TMSB15B: variants seen among roughly 807,000 people sequenced by gnomAD.
The protein encoded by TMSB15B is thymosin beta-15B.
chrX:103,930,414 T>C (rs1413916072), intron 1 of TMSB15B, among the ~76,000 whole-genome samples: 1 of 111,399 alleles, frequency 9.0e-6, no homozygotes, highest in Non-Finnish European at 1.9e-5. Context: ...CTGATTCTGT[T>C]ATGTCACTAA....
intron 1 of TMSB15B, among the ~76,000 whole-genome samples, chrX:103,939,938 C>G (rs2075008284): frequency 8.9e-6 from 1 of 111,785 alleles, no homozygotes; most frequent in Admixed American, 9.4e-5. Flanking sequence ...CTGCAGTTTG[C>G]TGGGGGTCCA....
intron 1 of TMSB15B, among the ~76,000 whole-genome samples, chrX:103,922,451 G>C (rs1207734114): frequency 9.7e-6 from 1 of 103,343 alleles, no homozygotes; most frequent in Non-Finnish European, 1.9e-5. Flanking sequence ...GTGAGAACAT[G>C]CAGTGTTTTG....
At chrX:103,922,795 A>G (rs1260692375) in intron 1 of TMSB15B, among the ~76,000 whole-genome samples, 3 of 111,942 alleles carry the variant, frequency 2.7e-5, no homozygotes, top group African/African-American at 9.8e-5. Flanking sequence ...GTCTTCCACA[A>G]TGGTTGAACT....
intron 1 of TMSB15B, among the ~76,000 whole-genome samples, chrX:103,926,748 G>A (rs1354736475): frequency 2.7e-5 from 3 of 110,449 alleles, no homozygotes; most frequent in African/African-American, 9.9e-5. Flanking sequence ...CTTAATTAGA[G>A]TCCCAACCTT....
At chrX:103,954,895 C>T (rs1287736774) in intron 1 of TMSB15B, among the ~76,000 whole-genome samples, 1 of 111,876 alleles carries the variant, frequency 8.9e-6, no homozygotes, top group East Asian at 2.8e-4. Context: ...GGCACCTCTG[C>T]ATCCACTAGC....
intron 1 of TMSB15B, among the ~76,000 whole-genome samples, chrX:103,947,974 G>C (rs2075029661): frequency 9.0e-6 from 1 of 111,364 alleles, no homozygotes; most frequent in Non-Finnish European, 1.9e-5. Flanking sequence ...TCACCCATAA[G>C]TGAGAGTTGA....
intron 1 of TMSB15B, among the ~76,000 whole-genome samples, chrX:103,923,320 G>GT (rs782355449): frequency 3.5e-3 from 390 of 112,042 alleles, no homozygotes; most frequent in Non-Finnish European, 6.0e-3. Flanking sequence ...TTCTTCTAGG[G>GT]TTTTTATGGT....
chrX:103,921,330 CT>C (rs1160562115), intron 1 of TMSB15B, among the ~76,000 whole-genome samples: 2 of 111,958 alleles, frequency 1.8e-5, no homozygotes, highest in Non-Finnish European at 3.8e-5. Flanking sequence ...TTCTGCTCCC[CT>C]GTCCCGTGAC....
intron 1 of TMSB15B, among the ~76,000 whole-genome samples, chrX:103,921,557 G>C (rs1298852757): frequency 1.8e-5 from 2 of 111,919 alleles, no homozygotes; most frequent in African/African-American, 3.3e-5. Context: ...TGCAGGGATG[G>C]GGGGAGTATT....
chrX:103,945,920 A>G (rs1382748449), intron 1 of TMSB15B, among the ~76,000 whole-genome samples: 1 of 112,430 alleles, frequency 8.9e-6, no homozygotes, highest in African/African-American at 3.2e-5. Context: ...TGTATAAACC[A>G]TTATACAGAA....
At chrX:103,922,254 A>T (rs782249851) in intron 1 of TMSB15B, among the ~76,000 whole-genome samples, 3 of 109,890 alleles carry the variant, frequency 2.7e-5, no homozygotes, top group African/African-American at 9.9e-5. Flanking sequence ...CATATGCACA[A>T]CGTGCAGGTT....
chrX:103,940,551 C>CTGG (rs2075010031), intron 1 of TMSB15B, among the ~76,000 whole-genome samples: 1 of 111,273 alleles, frequency 9.0e-6, no homozygotes, highest in Admixed American at 9.5e-5. Flanking sequence ...GACTTTCGTG[C>CTGG]TGGCAGCAAG....
chrX:103,921,556 G>T (rs1349842662), intron 1 of TMSB15B, among the ~76,000 whole-genome samples: 2 of 111,887 alleles, frequency 1.8e-5, no homozygotes, highest in Non-Finnish European at 3.8e-5. Context: ...GTGCAGGGAT[G>T]GGGGGAGTAT....
intron 1 of TMSB15B, among the ~76,000 whole-genome samples, chrX:103,944,187 G>A (rs180914477): frequency 2.7e-5 from 3 of 112,095 alleles, no homozygotes; most frequent in Non-Finnish European, 5.6e-5. Flanking sequence ...ATTGCACATA[G>A]TGGATATACA....
chrX:103,940,260 G>T (rs1313151802), intron 1 of TMSB15B, among the ~76,000 whole-genome samples: 1 of 112,224 alleles, frequency 8.9e-6, no homozygotes, highest in Non-Finnish European at 1.9e-5. Flanking sequence ...GCCCACAGCC[G>T]CCCCTTCTCC....
At position 103,933,715 on chromosome X, in the gene TMSB15B, T is replaced by C. The variant is rs144938114; in HGVS notation, c.-721+14423T>C. ...TTGTGATACTCATCGATATTGCAGA[T>C]AGCTGTAGTTGATCCATTTTTATTG... On this transcript the variant is annotated intron_variant, in intron 1 of 3. Transcript: ENST00000419165. Among the ~76,000 whole-genome samples, 157 of 112,007 alleles carry C rather than the reference T, an allele frequency of 1.4e-3. 5 individuals are homozygous for C. In the East Asian group the frequency reaches 0.04, roughly 29 times the overall value.
At chrX:103,922,003 C>T (rs2074954467) in intron 1 of TMSB15B, among the ~76,000 whole-genome samples, 2 of 111,317 alleles carry the variant, frequency 1.8e-5, no homozygotes, top group South Asian at 7.7e-4. Flanking sequence ...CTGCAGATAA[C>T]CCAGTTCATT....
chrX:103,947,123 A>G (rs1369863313), intron 1 of TMSB15B, among the ~76,000 whole-genome samples: 12 of 111,026 alleles, frequency 1.1e-4, no homozygotes, highest in African/African-American at 3.6e-4. Flanking sequence ...AAAAAAAACC[A>G]AGAGCCCACA....
intron 1 of TMSB15B, among the ~76,000 whole-genome samples, chrX:103,939,468 A>G (rs2075006972): frequency 9.1e-6 from 1 of 109,827 alleles, no homozygotes; most frequent in Admixed American, 9.9e-5. Flanking sequence ...CTTGTATATA[A>G]TTCATGAAGT....
Sources: allele counts gnomAD v4.1 joint callset (sites outside exome capture counted in the v4.1 genomes callset), GRCh38; gene constraint gnomAD v4.1.1; transcripts MANE v1.5; gene names NCBI Gene and HGNC (gene_info 2026-07-23, HGNC 2026-07-21).